The following FSHR variants were observed in gnomAD, a reference collection of about 807,000 sequenced individuals.
The protein encoded by FSHR is follicle-stimulating hormone receptor.
FSHR carries 46 observed loss-of-function variants against 52.1 expected under a neutral mutation model. The ratio of observed to expected loss-of-function variants is 0.88; its 90% CI spans 0.70 to 1.13. The LOEUF (loss-of-function observed/expected upper bound fraction) is 1.13, where lower values mean the gene tolerates loss of function less well. Among genes scored for constraint, FSHR ranks in the 50% most tolerant of loss-of-function variants. FSHR has a pLI of 0.00. For missense variants in FSHR, 964 were observed against 834.6 expected (o/e 1.16, Z -1.91); for synonymous variants, 399 against 309.6 (o/e 1.29, Z -3.03).
At chr2:49,111,523 T>C (rs957741142) in intron 1 of FSHR, among the ~76,000 whole-genome samples, 1 of 152,146 alleles carries the variant, frequency 6.6e-6, no homozygotes, top group Non-Finnish European at 1.5e-5. Context: ...AGAGCAGTGA[T>C]TTGTTCCTCT....
intron 1 of FSHR, among the ~76,000 whole-genome samples, chr2:49,098,272 G>A (rs1028815436): frequency 6.6e-6 from 1 of 152,046 alleles, no homozygotes; most frequent in South Asian, 2.1e-4. Flanking sequence ...TGGATTCACA[G>A]GCTAGTGGAG....
At chr2:49,127,832 C>CTTTT (rs1558456700) in intron 1 of FSHR, among the ~76,000 whole-genome samples, 1 of 7,936 alleles carries the variant, frequency 1.3e-4, no homozygotes, top group African/African-American at 8.9e-4. Flanking sequence ...TCTTCTTCCT[C>CTTTT]TTCTTCTTCT....
chr2:49,079,472 G>A (rs1405773051), intron 1 of FSHR, among the ~76,000 whole-genome samples: 5 of 152,016 alleles, frequency 3.3e-5, no homozygotes, highest in African/African-American at 9.7e-5. Context: ...AGATTGAGGG[G>A]ATTGGCATAC....
chr2:49,125,687 T>C (rs1671971944), intron 1 of FSHR, among the ~76,000 whole-genome samples: 1 of 152,198 alleles, frequency 6.6e-6, no homozygotes, highest in African/African-American at 2.4e-5. Flanking sequence ...TCCAATTACC[T>C]GAGGAATCTA....
chr2:49,010,496 T>G (rs1410186035), intron 4 of FSHR, among the ~76,000 whole-genome samples: 5 of 151,998 alleles, frequency 3.3e-5, no homozygotes, highest in African/African-American at 4.8e-5. Context: ...TCTCTTTTTT[T>G]GTTGTGTCTC....
At chr2:49,078,616 ATAAAT>A (rs143985517) in intron 1 of FSHR, among the ~76,000 whole-genome samples, 5,356 of 152,224 alleles carry the variant, frequency 0.035, 292 homozygotes, top group African/African-American at 0.12. Context: ...TTTCATATAA[ATAAAT>A]TAAAAGAGAA....
chr2:49,042,053 T>C (rs1668495769), intron 2 of FSHR, among the ~76,000 whole-genome samples: 1 of 151,988 alleles, frequency 6.6e-6, no homozygotes, highest in South Asian at 2.1e-4. Flanking sequence ...CTGAGATGGG[T>C]TGATCACCTA....
chr2:49,081,895 C>A (rs1053960432), intron 1 of FSHR, among the ~76,000 whole-genome samples: 11 of 152,156 alleles, frequency 7.2e-5, no homozygotes, highest in Non-Finnish European at 1.2e-4. Context: ...AGCTTTCTGG[C>A]AGTCTGGAAG....
At chr2:49,074,011 C>T (rs956080911) in intron 1 of FSHR, among the ~76,000 whole-genome samples, 8 of 151,960 alleles carry the variant, frequency 5.3e-5, no homozygotes, top group African/African-American at 7.2e-5. Context: ...ACTATACTTC[C>T]ACCTCTCATT....
chr2:48,998,917 T>C (rs988722536), intron 4 of FSHR, among the ~76,000 whole-genome samples: 2 of 152,136 alleles, frequency 1.3e-5, no homozygotes, highest in Non-Finnish European at 2.9e-5. Context: ...GATTTCATTC[T>C]TTAAAATATT....
rs1229930197 is a variant in FSHR at position 49,025,556 on chromosome 2, T to C, written c.225-5396A>G. ...ATATAATTATAATATGTGTAATATA[T>C]ATATGTCATGTATAAGAAGGCAGGT... On this transcript the variant is annotated intron_variant, in intron 2 of 9. Coordinates refer to ENST00000406846, the MANE Select transcript of FSHR (RefSeq NM_000145.4). 2.0e-5 allele frequency among the ~76,000 whole-genome samples: 3 copies of C among 152,142 alleles called. No homozygotes were observed. The East Asian group carries it at 5.8e-4, about 29-fold the overall frequency.
chr2:49,020,495 G>A (rs961252338), intron 2 of FSHR, among the ~76,000 whole-genome samples: 3 of 142,584 alleles, frequency 2.1e-5, no homozygotes, highest in Non-Finnish European at 3.1e-5. Context: ...CCTAGACCAC[G>A]GGTCAGTAAA....
At chr2:49,006,924 T>C (rs940886573) in intron 4 of FSHR, among the ~76,000 whole-genome samples, 1 of 152,106 alleles carries the variant, frequency 6.6e-6, no homozygotes, top group Non-Finnish European at 1.5e-5. Flanking sequence ...TATCCAACAT[T>C]GTTTGACAGG....
chr2:49,004,957 C>A (rs1355529785), intron 4 of FSHR, among the ~76,000 whole-genome samples: 2 of 152,046 alleles, frequency 1.3e-5, no homozygotes, highest in African/African-American at 4.8e-5. Flanking sequence ...TTGAGTGGGT[C>A]CTGTAGAAAT....
chr2:49,128,583 G>C (rs1457411314), intron 1 of FSHR, among the ~76,000 whole-genome samples: 2 of 151,916 alleles, frequency 1.3e-5, no homozygotes, highest in Non-Finnish European at 2.9e-5. Flanking sequence ...TGCTGCTACT[G>C]TAACACTCAC....
intron 1 of FSHR, among the ~76,000 whole-genome samples, chr2:49,133,537 A>G (rs1426278159): frequency 6.6e-6 from 1 of 152,168 alleles, no homozygotes; most frequent in Non-Finnish European, 1.5e-5. Context: ...CAAGCTACCA[A>G]TGACTTTCTT....
At chr2:49,062,448 A>G (rs1249481683) in intron 2 of FSHR, among the ~76,000 whole-genome samples, 1 of 152,188 alleles carries the variant, frequency 6.6e-6, no homozygotes, top group Non-Finnish European at 1.5e-5. Flanking sequence ...TAAGATCTGA[A>G]ACTATATAAA....
At chr2:48,966,962 T>A (rs980169088) in intron 9 of FSHR, among the ~76,000 whole-genome samples, 1 of 152,096 alleles carries the variant, frequency 6.6e-6, no homozygotes, top group Admixed American at 6.6e-5. Flanking sequence ...AAGGTAGATG[T>A]GGAGATTCTG....
At position 49,001,358 on chromosome 2, in the gene FSHR, A is replaced by C. The variant is rs145627601; in HGVS notation, c.375-10721T>G. ...GAACAGATGGAACCTGAACCCAGGC[A>C]CTCTGGCTCCCCTGCCTCTTGGTGA... is the stretch of plus-strand genomic sequence containing the variant. On this transcript the variant is annotated intron_variant, in intron 4 of 9. Coordinates refer to ENST00000406846, the MANE Select transcript of FSHR (RefSeq NM_000145.4). 1.8e-3 allele frequency among the ~76,000 whole-genome samples: 279 copies of C among 152,116 alleles called. 1 individual carries two copies. The highest frequency in any genetic ancestry group is 6.4e-3 in the African/African-American group (267 of 41,534).
Sources: gnomAD v4.1 joint callset for allele counts (sites outside exome capture counted in the v4.1 genomes callset) on GRCh38, gnomAD v4.1.1 for gene constraint, MANE v1.5 for transcripts, NCBI Gene and HGNC (gene_info 2026-07-23, HGNC 2026-07-21) for gene names.